The following CORO2A variants were observed in gnomAD, a reference collection of about 807,000 sequenced individuals.
The protein encoded by CORO2A is coronin-2A.
CORO2A carries 47 observed loss-of-function variants against 62.4 expected under a neutral mutation model. That is an observed-to-expected ratio of 0.75 (90% CI 0.60 to 0.96). The LOEUF is 0.96. Ranked by LOEUF, CORO2A falls within the 40% of genes least tolerant of loss-of-function variation. The pLI is 0.00. For synonymous variants in CORO2A, 273 were observed against 268.9 expected, an observed-to-expected ratio of 1.02 and a Z score of -0.15; for missense variants, 610 against 684.1, an observed-to-expected ratio of 0.89 and a Z score of 1.21.
Position 98,177,326 on chromosome 9 carries a change from C to T in CORO2A, c.-1+15233G>A, listed in dbSNP as rs919523896. On this transcript the variant is annotated intron_variant, in intron 1 of 11. Transcript: ENST00000375077. The stretch of plus-strand genomic sequence containing the variant: ...ATGGAGGTATTCCCATGGGGTCTCT[C>T]CCCTTGGGAATGGGTAGAAAAATAG... Among the ~76,000 whole-genome samples the T allele has an allele frequency of 2.0e-5, 3 of 152,140 alleles. No individual in the cohort carries two copies. In the South Asian group the frequency reaches 6.2e-4, roughly 32 times the overall value.
intron 1 of CORO2A, among the ~76,000 whole-genome samples, chr9:98,184,251 G>T (rs988803188): frequency 2.0e-5 from 3 of 151,062 alleles, no homozygotes; most frequent in African/African-American, 7.3e-5. Flanking sequence ...TTTAATAGAG[G>T]CAATGTCTTA....
intron 2 of CORO2A, among the ~76,000 whole-genome samples, chr9:98,151,356 G>T (rs1251531547): frequency 1.3e-5 from 2 of 152,162 alleles, no homozygotes; most frequent in African/African-American, 4.8e-5. Flanking sequence ...ATCTATTGAG[G>T]TCATCTTTAT....
intron 9 of CORO2A, 122 bp from the exon 10 acceptor site, chr9:98,128,382 A>T: frequency 1.1e-6 from 1 of 877,856 alleles, no homozygotes; most frequent in African/African-American, 1.7e-5. Flanking sequence ...ACTGAGGCCC[A>T]GAGAACAAAG....
chr9:98,132,190 C>T lies in CORO2A; in HGVS notation c.760G>A (p.Asp254Asn). 2 of 1,613,482 alleles carry T rather than the reference C, an allele frequency of 1.2e-6. No individual in the cohort carries two copies. Among genetic ancestry groups the T allele is most frequent in the African/African-American group, 1.3e-5 (1 of 75,036 alleles). ...RWNNRQVALW[D>N]QDNLSVPLME... ...GGGTGGGGTGCAGCCCTCACCTGGT[C>T]CCACAAGGCCACCTGCCGGTTGTTC... The change falls in exon 6 of 12, where the codon GAC becomes AAC. Residue 254 changes from aspartate (D) to asparagine (N), a missense_variant. Asp to Asn is a conservative substitution (Grantham distance 23). Transcript: ENST00000375077.
chr9:98,153,013 TG>T (rs1827747798), intron 2 of CORO2A, among the ~76,000 whole-genome samples: 2 of 152,352 alleles, frequency 1.3e-5, no homozygotes, highest in South Asian at 4.1e-4. Context: ...TTCTAGGATG[TG>T]GTTATATAAG....
Position 98,126,831 on chromosome 9 carries a change from G to A in CORO2A, c.1172-8C>T, listed in dbSNP as rs2118790342. ...GGGACACCAGGATTGGGTCTGGAAG[G>A]GAAGCAGAGCCATGTGAGGACGGGG... is the stretch of plus-strand genomic sequence containing the variant. On this transcript the variant is annotated splice_region_variant and splice_polypyrimidine_tract_variant and intron_variant, in intron 10 of 11. Transcript: ENST00000375077. 1 of 1,614,142 alleles carries A rather than the reference G, an allele frequency of 6.2e-7. No individual in the cohort carries two copies. Among genetic ancestry groups the A allele is most frequent in the East Asian group, 2.2e-5 (1 of 44,886 alleles).
chr9:98,145,942 C>A (rs546541994), intron 2 of CORO2A, among the ~76,000 whole-genome samples: 1 of 152,278 alleles, frequency 6.6e-6, no homozygotes, highest in Admixed American at 6.5e-5. Context: ...GAATGCCTGA[C>A]CTCAAGTGAT....
intron 1 of CORO2A, among the ~76,000 whole-genome samples, chr9:98,190,817 CG>C (rs2118951674): frequency 6.6e-6 from 1 of 152,304 alleles, no homozygotes; most frequent in South Asian, 2.1e-4. Flanking sequence ...GCCTGTGCGT[CG>C]GAGCTGGGCT....
chr9:98,177,933 C>T (rs959988694), intron 1 of CORO2A, among the ~76,000 whole-genome samples: 1 of 152,316 alleles, frequency 6.6e-6, no homozygotes, highest in Non-Finnish European at 1.5e-5. Flanking sequence ...ACAAACTTGT[C>T]AGACTTATTA....
chr9:98,135,600 C>A (rs1304821351), intron 3 of CORO2A, among the ~76,000 whole-genome samples: 1 of 152,122 alleles, frequency 6.6e-6, no homozygotes, highest in African/African-American at 2.4e-5. Context: ...GCTGCCATGG[C>A]AGAGAGTAAG....
intron 5 of CORO2A, among the ~76,000 whole-genome samples, chr9:98,132,712 G>A (rs1827425768): frequency 6.6e-6 from 1 of 152,174 alleles, no homozygotes; most frequent in African/African-American, 2.4e-5. Flanking sequence ...CTGCACAGTG[G>A]CTAAACAGTG....
At chr9:98,192,300 G>A (rs28635946) in intron 1 of CORO2A, among the ~76,000 whole-genome samples, 16,281 of 152,296 alleles carry the variant, frequency 0.11, 1,981 homozygotes, top group African/African-American at 0.3. Flanking sequence ...CGGGAGCCCG[G>A]ACCTCGAGGC....
At chr9:98,186,326 A>C (rs1828238728) in intron 1 of CORO2A, among the ~76,000 whole-genome samples, 2 of 152,250 alleles carry the variant, frequency 1.3e-5, no homozygotes, top group South Asian at 4.1e-4. Flanking sequence ...AATGGAACCC[A>C]CCAACTCTGA....
At chr9:98,154,523 T>TCTCCCA in intron 2 of CORO2A, among the ~76,000 whole-genome samples, 1 of 151,280 alleles carries the variant, frequency 6.6e-6, no homozygotes, top group Admixed American at 6.6e-5. Context: ...ACATAGGAGG[T>TCTCCCA]CTCCCACGAG....
intron 4 of CORO2A, 132 bp from the exon 5 acceptor site, chr9:98,133,349 G>A: frequency 1.2e-6 from 1 of 815,152 alleles, no homozygotes; most frequent in East Asian, 2.7e-5. Flanking sequence ...TGGCCAAGAA[G>A]CCTCAGTGGG....
intron 1 of CORO2A, among the ~76,000 whole-genome samples, chr9:98,181,404 G>A (rs59101768): frequency 0.062 from 9,092 of 146,844 alleles, 415 homozygotes; most frequent in Admixed American, 0.14. Flanking sequence ...TGGAACTCCT[G>A]GCTTCAAGCA....
chr9:98,141,948 A>C (rs1433749428), intron 2 of CORO2A, among the ~76,000 whole-genome samples: 1 of 152,132 alleles, frequency 6.6e-6, no homozygotes, highest in Admixed American at 6.5e-5. Context: ...AGAAAAAAAA[A>C]CTAAAAGGAA....
intron 1 of CORO2A, among the ~76,000 whole-genome samples, chr9:98,173,958 A>T (rs3758262): frequency 6.6e-6 from 1 of 151,984 alleles, no homozygotes; most frequent in Admixed American, 6.6e-5. Flanking sequence ...CTTTACTAAA[A>T]ATACAAAATT....
intron 1 of CORO2A, among the ~76,000 whole-genome samples, chr9:98,166,653 A>T (rs1827965137): frequency 6.6e-6 from 1 of 152,072 alleles, no homozygotes; most frequent in Admixed American, 6.5e-5. Context: ...CGATTCAGCA[A>T]CTCCACTTCT....
Sources: allele counts gnomAD v4.1 joint callset (sites outside exome capture counted in the v4.1 genomes callset), GRCh38; gene constraint gnomAD v4.1.1; transcripts MANE v1.5; gene names NCBI Gene and HGNC (gene_info 2026-07-23, HGNC 2026-07-21).